The following EDA variants were observed in gnomAD, a reference collection of about 807,000 sequenced individuals.
The protein encoded by EDA is ectodysplasin A.
A neutral mutation model predicts 23.6 loss-of-function variants in EDA; 2 were observed. The observed-to-expected ratio is 0.08, with a 90% confidence interval of 0.03 to 0.27. EDA has a LOEUF of 0.27. Among genes scored for constraint, EDA ranks in the 10% least tolerant of loss-of-function variants. EDA has a pLI of 1.00. For synonymous variants in EDA, 131 were observed against 132.0 expected (o/e 0.99, Z 0.05); for missense variants, 229 against 324.2 (o/e 0.71, Z 2.26).
At chrX:69,751,505 T>C (rs2520395) in intron 1 of EDA, among the ~76,000 whole-genome samples, 17,341 of 109,791 alleles carry the variant, frequency 0.16, 891 homozygotes, top group Middle Eastern at 0.41. Context: ...CTTGGCAATG[T>C]GGGCTCCTTT....
chrX:69,671,667 CT>C (rs1416191328), intron 1 of EDA, among the ~76,000 whole-genome samples: 1 of 111,646 alleles, frequency 9.0e-6, no homozygotes, highest in African/African-American at 3.3e-5. Flanking sequence ...CAAGGTGTTT[CT>C]TTCCCTTCCC....
intron 1 of EDA, among the ~76,000 whole-genome samples, chrX:69,637,600 T>C (rs914242859): frequency 9.0e-6 from 1 of 111,402 alleles, no homozygotes. Context: ...GTTAGATACA[T>C]GGACTTCATA....
intron 1 of EDA, among the ~76,000 whole-genome samples, chrX:69,867,662 G>A (rs145158390): frequency 0.06 from 6,708 of 112,165 alleles, 199 homozygotes; most frequent in Middle Eastern, 0.088. Flanking sequence ...CTTTCAGGTG[G>A]TGCCTGCATA....
chrX:69,858,441 A>T (rs73226430), intron 1 of EDA, among the ~76,000 whole-genome samples: 29,125 of 110,470 alleles, frequency 0.26, 2,871 homozygotes, highest in African/African-American at 0.32. Flanking sequence ...AACCATGAAG[A>T]GGTGTTGAAT....
intron 1 of EDA, among the ~76,000 whole-genome samples, chrX:69,638,336 T>A (rs1390277346): frequency 8.0e-5 from 9 of 112,028 alleles, no homozygotes; most frequent in African/African-American, 2.9e-4. Context: ...TCATGAATAG[T>A]TCAGTACTTA....
chrX:69,828,125 A>C (rs2016504556), intron 1 of EDA, among the ~76,000 whole-genome samples: 1 of 110,833 alleles, frequency 9.0e-6, no homozygotes, highest in Non-Finnish European at 1.9e-5. Flanking sequence ...GGGACATTTA[A>C]GTCTGCAGAA....
intron 1 of EDA, among the ~76,000 whole-genome samples, chrX:69,934,588 T>C (rs1261533899): frequency 8.9e-6 from 1 of 111,768 alleles, no homozygotes; most frequent in Admixed American, 9.5e-5. Flanking sequence ...CTTCATTATA[T>C]CTTTTTTATT....
Position 69,616,653 on chromosome X carries a change from A to T in EDA, c.345A>T (p.Pro115=), listed in dbSNP as rs775366784. The change falls in exon 1 of 8, where the codon CCA becomes CCT. Residue 115 remains proline, a synonymous_variant. Coordinates refer to ENST00000374552, the MANE Select transcript of EDA (RefSeq NM_001399.5). ...HLGQPSPKQQ[P]LEPGEAALHS... is the part of the protein sequence containing the mutation. ...GGCAGCCGTCACCTAAGCAGCAGCCATTGGAACCGGGAGAAGCCGCACTCC... is the reference window on the plus strand; with the variant it reads ...GGCAGCCGTCACCTAAGCAGCAGCCTTTGGAACCGGGAGAAGCCGCACTCC... 7 of 1,211,255 alleles carry T rather than the reference A, an allele frequency of 5.8e-6. No homozygotes were observed. The highest frequency in any genetic ancestry group is 7.8e-6 in the Non-Finnish European group (7 of 895,273).
rs1353732073 is a variant in EDA, at chrX:69,678,579, T to A, written c.396+61875T>A. On this transcript the variant is annotated intron_variant, in intron 1 of 7. Coordinates refer to ENST00000374552, the MANE Select transcript of EDA (RefSeq NM_001399.5). ...ATTCCTAGGTATTTTATTCTCTTTGTAGCAATTGTGAATGGGAGTTCACTC... is the reference window on the plus strand; with the variant it reads ...ATTCCTAGGTATTTTATTCTCTTTGAAGCAATTGTGAATGGGAGTTCACTC... Among the ~76,000 whole-genome samples, 44 of 110,101 alleles carry A rather than the reference T, an allele frequency of 4.0e-4. No individual in the cohort carries two copies. In the South Asian group the frequency reaches 5.5e-3, roughly 14 times the overall value.
chrX:69,716,033 T>A (rs1043536807), intron 1 of EDA, among the ~76,000 whole-genome samples: 6 of 112,205 alleles, frequency 5.3e-5, no homozygotes, highest in African/African-American at 1.6e-4. Flanking sequence ...ATTTGTTTAA[T>A]CTGCTGATAG....
chrX:69,788,730 T>G (rs1265297930), intron 1 of EDA, among the ~76,000 whole-genome samples: 8 of 113,142 alleles, frequency 7.1e-5, no homozygotes, highest in Non-Finnish European at 1.3e-4. Context: ...CTGCAGAGGT[T>G]ACTGCTGTCT....
intron 2 of EDA, among the ~76,000 whole-genome samples, chrX:69,980,429 C>A (rs1240822223): frequency 8.9e-6 from 1 of 112,121 alleles, no homozygotes; most frequent in Admixed American, 9.5e-5. Flanking sequence ...TAGGCCCTAG[C>A]AACCTGTGCT....
chrX:69,678,065 T>A (rs1490595648), intron 1 of EDA, among the ~76,000 whole-genome samples: 1 of 111,147 alleles, frequency 9.0e-6, no homozygotes, highest in Non-Finnish European at 1.9e-5. Flanking sequence ...CCAGCACCAT[T>A]TATTAAATAG....
rs1422002153 is a variant in EDA at position 69,727,766 on chromosome X, C to A, written c.396+111062C>A. Among the ~76,000 whole-genome samples the A allele has an allele frequency of 2.7e-5, 3 of 111,841 alleles. No homozygotes were observed. The East Asian group carries it at 8.4e-4, about 31-fold the overall frequency. On this transcript the variant is annotated intron_variant, in intron 1 of 7. Coordinates refer to ENST00000374552, the MANE Select transcript of EDA (RefSeq NM_001399.5). ...TTTGTGTTGCTTGTTTTTTCCTATT[C>A]CTAAAGCATTTAATAGAAATAGATC...
chrX:70,003,876 G>A (rs954769008), intron 2 of EDA, among the ~76,000 whole-genome samples: 3 of 111,289 alleles, frequency 2.7e-5, no homozygotes, highest in Non-Finnish European at 3.8e-5. Context: ...AATAACATCC[G>A]TTGATGTCAC....
At chrX:69,682,875 A>C (rs1465689173) in intron 1 of EDA, among the ~76,000 whole-genome samples, 3 of 111,586 alleles carry the variant, frequency 2.7e-5, no homozygotes, top group Non-Finnish European at 5.6e-5. Flanking sequence ...TCTTCCAAAT[A>C]AAGTGACTTG....
chrX:69,657,137 T>C (rs1933345825), intron 1 of EDA, among the ~76,000 whole-genome samples: 1 of 112,253 alleles, frequency 8.9e-6, no homozygotes, highest in Non-Finnish European at 1.9e-5. Context: ...GTGTTCACTT[T>C]TCTCTGCAAT....
At chrX:69,616,858 G>C in intron 1 of EDA, 154 bp downstream of exon 1, 1 of 763,579 alleles carries the variant, frequency 1.3e-6, no homozygotes, top group Non-Finnish European at 1.9e-6. Flanking sequence ...AAGTTGCCCA[G>C]GGCAGGTTGT....
intron 1 of EDA, among the ~76,000 whole-genome samples, chrX:69,817,835 A>C (rs980450529): frequency 1.8e-5 from 2 of 111,606 alleles, no homozygotes; most frequent in African/African-American, 3.3e-5. Context: ...TTTCAAAAAA[A>C]TATTCAGGAC....
Sources: gnomAD v4.1 joint callset for allele counts (sites outside exome capture counted in the v4.1 genomes callset) on GRCh38, gnomAD v4.1.1 for gene constraint, MANE v1.5 for transcripts, NCBI Gene and HGNC (gene_info 2026-07-23, HGNC 2026-07-21) for gene names.